Variants in GPHN observed in about 807,000 individuals in gnomAD.
GPHN encodes gephyrin.
A neutral mutation model predicts 95.5 loss-of-function variants in GPHN; 17 were observed. The observed-to-expected ratio is 0.18, with a 90% confidence interval of 0.12 to 0.27. The LOEUF (loss-of-function observed/expected upper bound fraction) is 0.27. Among genes scored for constraint, GPHN ranks in the 10% least tolerant of loss-of-function variants. The pLI is 1.00. For missense variants in GPHN, 660 were observed against 978.1 expected (o/e 0.67, Z 4.34); for synonymous variants, 320 against 322.5 (o/e 0.99, Z 0.08).
the GPHN span, among the ~76,000 whole-genome samples, chr14:67,704,360 T>G: frequency 6.6e-6 from 1 of 152,194 alleles, no homozygotes; most frequent in African/African-American, 2.4e-5. Flanking sequence ...TTTAAAATAA[T>G]TTTTTTAGAA....
At chr14:67,641,162 C>G in the GPHN span, among the ~76,000 whole-genome samples, 1 of 152,084 alleles carries the variant, frequency 6.6e-6, no homozygotes, top group Non-Finnish European at 1.5e-5. Flanking sequence ...TGCACACAAA[C>G]TTTGTTTCAT....
At chr14:67,280,853 TTCCCTCCCTCCC>T in the GPHN span, among the ~76,000 whole-genome samples, 34 of 77,578 alleles carry the variant, frequency 4.4e-4, 1 homozygote, top group East Asian at 0.017. Context: ...CCTTCCTTCC[TTCCCTCCCTCCC>T]TCCCTCCCTC....
chr14:66,633,427 A>G (rs2063930105), intron 1 of GPHN, among the ~76,000 whole-genome samples: 1 of 152,206 alleles, frequency 6.6e-6, no homozygotes, highest in African/African-American at 2.4e-5. Flanking sequence ...TCAACCTTAT[A>G]TAAATGGAAT....
chr14:67,354,465 CT>C, the GPHN span, among the ~76,000 whole-genome samples: 4 of 152,018 alleles, frequency 2.6e-5, no homozygotes, highest in African/African-American at 9.7e-5. Flanking sequence ...GGAATTTATC[CT>C]ACAAATTTAT....
chr14:67,137,153 CT>C (rs1273940629), intron 17 of GPHN, among the ~76,000 whole-genome samples: 8 of 145,898 alleles, frequency 5.5e-5, no homozygotes, highest in Middle Eastern at 3.4e-3. Context: ...AAGAATCTGT[CT>C]TTTTTTTTTG....
intron 12 of GPHN, among the ~76,000 whole-genome samples, chr14:67,093,190 A>AT (rs896656107): frequency 5.9e-5 from 9 of 151,838 alleles, no homozygotes; most frequent in Non-Finnish European, 1.5e-5. Context: ...GAATTTAAAA[A>AT]TTTTTTTTTC....
intron 4 of GPHN, among the ~76,000 whole-genome samples, chr14:66,872,295 T>A (rs2063473062): frequency 6.6e-6 from 1 of 152,200 alleles, no homozygotes; most frequent in Non-Finnish European, 1.5e-5. Flanking sequence ...TAATTTACTT[T>A]TTGTTTGCCT....
chr14:66,739,463 G>A (rs900200398), intron 2 of GPHN, among the ~76,000 whole-genome samples: 2 of 149,226 alleles, frequency 1.3e-5, no homozygotes, highest in South Asian at 2.1e-4. Flanking sequence ...TGATCTGCCC[G>A]CCTCAGCCTC....
chr14:66,612,740 T>C (rs1411029272), intron 1 of GPHN, among the ~76,000 whole-genome samples: 1 of 152,110 alleles, frequency 6.6e-6, no homozygotes, highest in Non-Finnish European at 1.5e-5. Flanking sequence ...CCCACCCTCA[T>C]AGGACGGCTT....
chr14:67,241,069 G>C, the GPHN span: 1 of 152,318 alleles, frequency 6.6e-6, no homozygotes, highest in Middle Eastern at 3.4e-3. Context: ...GCCAAATCCC[G>C]AAGGGGCTCT....
chr14:67,599,923 G>A, the GPHN span: 1 of 966,252 alleles, frequency 1.0e-6, no homozygotes, highest in Non-Finnish European at 1.5e-6. Context: ...ATCACTGTAG[G>A]AGGGGCCGAC....
chr14:67,481,112 G>A, the GPHN span, among the ~76,000 whole-genome samples: 71 of 152,152 alleles, frequency 4.7e-4, 2 homozygotes, highest in South Asian at 0.013. Flanking sequence ...GCAACATAGC[G>A]AGACCACCAT....
rs2081838305 is a variant in GPHN at position 67,159,532 on chromosome 14, C to T, written c.1910+44C>T. 2.9e-6 allele frequency: 3 copies of T among 1,047,998 alleles called. No homozygotes were observed. The East Asian group carries it at 7.1e-5, about 25-fold the overall frequency. The allele number at this position is 1,047,998 out of a possible 1,614,324, so 64.9% of individuals were successfully genotyped here. A position where few individuals can be genotyped will look rare whatever the true frequency, so the allele number is the denominator to read the frequency against. ...TATCTCATATATGGGGTTGGTTTGG[C>T]TTGCTTTAACTAACAAATTTTTAAA... is the stretch of plus-strand genomic sequence containing the variant. On this transcript the variant is annotated intron_variant, in intron 19 of 22. Transcript: ENST00000478722.
the GPHN span, among the ~76,000 whole-genome samples, chr14:67,329,655 C>G: frequency 6.6e-6 from 1 of 151,740 alleles, no homozygotes; most frequent in African/African-American, 2.4e-5. Flanking sequence ...ACGGCGGACG[C>G]ATCACTTGAG....
In GPHN at chr14:66,891,958, C is replaced by A. The variant is rs1039259303; in HGVS notation, c.389+11925C>A. ...TCACACCCATTACGTTGGCTGTTAT[C>A]AAAAAAATAATAATAAATAAGTGGT... On this transcript the variant is annotated intron_variant, in intron 5 of 22. Transcript: ENST00000478722. 2.6e-5 allele frequency among the ~76,000 whole-genome samples: 4 copies of A among 151,880 alleles called. No homozygotes were observed. In the South Asian group the frequency reaches 6.3e-4, roughly 24 times the overall value.
At chr14:66,857,546 T>C (rs1596167602) in intron 4 of GPHN, among the ~76,000 whole-genome samples, 1 of 152,268 alleles carries the variant, frequency 6.6e-6, no homozygotes, top group Non-Finnish European at 1.5e-5. Flanking sequence ...ACGAGAATTG[T>C]TTATTAAGCA....
the GPHN span, among the ~76,000 whole-genome samples, chr14:67,676,478 C>A: frequency 6.6e-6 from 1 of 152,146 alleles, no homozygotes. Flanking sequence ...ACACCTGTAC[C>A]CCAGCACTTT....
At chr14:66,817,894 A>G (rs896302652) in intron 3 of GPHN, among the ~76,000 whole-genome samples, 1 of 152,150 alleles carries the variant, frequency 6.6e-6, no homozygotes, top group Non-Finnish European at 1.5e-5. Context: ...CATTGATCAA[A>G]TCAAGTCAGA....
chr14:67,620,954 C>G, the GPHN span: 58 of 1,613,968 alleles, frequency 3.6e-5, no homozygotes, highest in Non-Finnish European at 4.7e-5. Context: ...GATGAAAAGG[C>G]TCTCCAGTTT....
Sources: allele counts gnomAD v4.1 joint callset (sites outside exome capture counted in the v4.1 genomes callset), GRCh38; gene constraint gnomAD v4.1.1; transcripts MANE v1.5; gene names NCBI Gene and HGNC (gene_info 2026-07-23, HGNC 2026-07-21).